The following SND1 variants were observed in gnomAD, a reference collection of about 807,000 sequenced individuals.
The protein encoded by SND1 is staphylococcal nuclease and tudor domain containing 1.
SND1 carries 38 observed loss-of-function variants against 121.7 expected under a neutral mutation model. That is an observed-to-expected ratio of 0.31 (90% CI 0.24 to 0.41). The LOEUF (loss-of-function observed/expected upper bound fraction) is 0.41, where lower values mean the gene tolerates loss of function less well. SND1 is among the 10% of genes least tolerant of loss of function. The probability of loss-of-function intolerance (pLI) is 1.00; values close to 1 mark genes in which losing one functional copy is unlikely to be tolerated. For synonymous variants in SND1, 401 were observed against 447.4 expected, an observed-to-expected ratio of 0.90 and a Z score of 1.31; for missense variants, 868 against 1,184.6, an observed-to-expected ratio of 0.73 and a Z score of 3.92.
intron 4 of SND1, 147 bp downstream of exon 4, chr7:127,699,100 G>A: frequency 1.5e-6 from 1 of 654,166 alleles, no homozygotes; most frequent in Non-Finnish European, 2.7e-6. Flanking sequence ...TCTGAGCTAG[G>A]AAGTCACTCA....
intron 16 of SND1, among the ~76,000 whole-genome samples, chr7:128,017,788 G>A (rs1803258526): frequency 6.6e-6 from 1 of 152,258 alleles, no homozygotes; most frequent in African/African-American, 2.4e-5. Flanking sequence ...GCAGGTAACA[G>A]GTTCAGGACA....
intron 16 of SND1, among the ~76,000 whole-genome samples, chr7:128,039,070 T>G: frequency 6.6e-6 from 1 of 152,196 alleles, no homozygotes; most frequent in East Asian, 1.9e-4. Context: ...TTCCCTGCCC[T>G]TCAGCTACAC....
intron 16 of SND1, among the ~76,000 whole-genome samples, chr7:128,020,809 ATTC>A (rs566962706): frequency 1.0e-3 from 156 of 152,294 alleles, no homozygotes; most frequent in Non-Finnish European, 1.4e-3. Context: ...CCAATGCCTT[ATTC>A]TTCTTGTATT....
At chr7:127,744,137 T>A (rs1796934839) in intron 10 of SND1, among the ~76,000 whole-genome samples, 1 of 152,172 alleles carries the variant, frequency 6.6e-6, no homozygotes, top group Admixed American at 6.5e-5. Flanking sequence ...AGCAAAGCGA[T>A]CATGAATATT....
intron 3 of SND1, among the ~76,000 whole-genome samples, chr7:127,696,342 C>T (rs558282356): frequency 1.4e-4 from 22 of 152,244 alleles, no homozygotes; most frequent in East Asian, 5.8e-4. Flanking sequence ...TCCCAGAAAA[C>T]GGCTACCTGC....
chr7:127,888,503 G>A (rs991257271), intron 13 of SND1, among the ~76,000 whole-genome samples: 1 of 152,138 alleles, frequency 6.6e-6, no homozygotes, highest in African/African-American at 2.4e-5. Context: ...ACAGCTGGCA[G>A]GAGACCATTT....
intron 15 of SND1, among the ~76,000 whole-genome samples, chr7:127,972,083 G>T (rs552303397): frequency 1.3e-5 from 2 of 152,212 alleles, no homozygotes; most frequent in East Asian, 3.9e-4. Context: ...CCAGCTTGAT[G>T]AATTTTTATA....
At chr7:127,728,892 G>A (rs567002942) in intron 10 of SND1, among the ~76,000 whole-genome samples, 7 of 152,164 alleles carry the variant, frequency 4.6e-5, no homozygotes, top group South Asian at 2.1e-4. Flanking sequence ...AACTATCTCC[G>A]GAGGGAGGTT....
At chr7:128,012,520 G>A (rs1367412394) in intron 16 of SND1, among the ~76,000 whole-genome samples, 1 of 152,208 alleles carries the variant, frequency 6.6e-6, no homozygotes, top group African/African-American at 2.4e-5. Flanking sequence ...TGGGGCAAGA[G>A]GACTGAAACT....
intron 16 of SND1, among the ~76,000 whole-genome samples, chr7:128,001,947 T>G (rs922883454): frequency 2.0e-5 from 3 of 151,916 alleles, no homozygotes; most frequent in Non-Finnish European, 4.4e-5. Flanking sequence ...CAAAAAAAAA[T>G]AAAAGAAATT....
At chr7:127,923,836 G>A (rs972839777) in intron 14 of SND1, among the ~76,000 whole-genome samples, 2 of 152,156 alleles carry the variant, frequency 1.3e-5, no homozygotes, top group African/African-American at 4.8e-5. Flanking sequence ...CACTTAAAAT[G>A]AGAGAGCACA....
At chr7:127,856,997 G>A (rs1295798090) in intron 12 of SND1, among the ~76,000 whole-genome samples, 1 of 152,064 alleles carries the variant, frequency 6.6e-6, no homozygotes, top group Non-Finnish European at 1.5e-5. Context: ...GTTAACCACA[G>A]AGTCTTTGTA....
intron 15 of SND1, among the ~76,000 whole-genome samples, chr7:127,937,347 A>G (rs1801082549): frequency 6.6e-6 from 1 of 152,192 alleles, no homozygotes; most frequent in East Asian, 1.9e-4. Context: ...TTAACCAGTT[A>G]CCTATTCATA....
intron 14 of SND1, among the ~76,000 whole-genome samples, chr7:127,918,692 GATTTAA>G: frequency 6.6e-6 from 1 of 152,258 alleles, no homozygotes; most frequent in South Asian, 2.1e-4. Context: ...TACTAGAATT[GATTTAA>G]TCAGCCTTCT....
chr7:128,061,765 G>C (rs752167039), intron 16 of SND1, among the ~76,000 whole-genome samples: 15 of 152,254 alleles, frequency 9.9e-5, no homozygotes, highest in Non-Finnish European at 1.5e-4. Flanking sequence ...TATTTCACGT[G>C]TATGTGTTCA....
intron 1 of SND1, 28 bp from the exon 2 acceptor site, chr7:127,686,585 T>C: frequency 6.2e-7 from 1 of 1,607,490 alleles, no homozygotes; most frequent in East Asian, 2.2e-5. Context: ...TCTGGACCAT[T>C]CATTTTCTCT....
At chr7:127,769,500 C>T (rs1797477168) in intron 10 of SND1, among the ~76,000 whole-genome samples, 1 of 152,178 alleles carries the variant, frequency 6.6e-6, no homozygotes, top group Non-Finnish European at 1.5e-5. Context: ...AGCAACCTGT[C>T]CAAATAATTC....
At chr7:127,826,960 G>A (rs1274272054) in intron 11 of SND1, among the ~76,000 whole-genome samples, 1 of 152,164 alleles carries the variant, frequency 6.6e-6, no homozygotes, top group African/African-American at 2.4e-5. Context: ...CAACTTGGAA[G>A]GCCCTTGGGC....
intron 10 of SND1, among the ~76,000 whole-genome samples, chr7:127,764,670 C>T (rs540134052): frequency 2.0e-5 from 3 of 152,108 alleles, no homozygotes; most frequent in Admixed American, 1.3e-4. Flanking sequence ...TTTTAAATTT[C>T]CCATTTGCAT....
Sources: gnomAD v4.1 joint callset for allele counts (sites outside exome capture counted in the v4.1 genomes callset) on GRCh38, gnomAD v4.1.1 for gene constraint, MANE v1.5 for transcripts, NCBI Gene and HGNC (gene_info 2026-07-23, HGNC 2026-07-21) for gene names.